Variants in CEP128 observed in about 807,000 individuals in gnomAD.
CEP128 encodes centrosomal protein 128.
Under a neutral mutation model 156.7 loss-of-function variants are expected in CEP128, and 132 were observed. The ratio of observed to expected loss-of-function variants is 0.84; its 90% CI spans 0.73 to 0.97. The LOEUF is 0.97. CEP128 is among the 50% of genes least tolerant of loss of function. The probability of loss-of-function intolerance (pLI) is 0.00; values close to 1 mark genes in which losing one functional copy is unlikely to be tolerated. For missense variants in CEP128, 1,252 were observed against 1,281.9 expected (o/e 0.98, Z 0.36); for synonymous variants, 469 against 448.9 (o/e 1.04, Z -0.57).
At chr14:80,884,614 G>A (rs558293406) in intron 8 of CEP128, among the ~76,000 whole-genome samples, 1 of 152,164 alleles carries the variant, frequency 6.6e-6, no homozygotes, top group Non-Finnish European at 1.5e-5. Context: ...GTGAGGGACT[G>A]TGCTATCCGG....
chr14:80,809,100 C>A lies in CEP128; in HGVS notation c.1210-15990G>T, dbSNP rs191641487. The stretch of plus-strand genomic sequence containing the variant: ...AGCTCAGTGAAAGACAAAAAAATTA[C>A]AAACAAATAATAGAAGGAAGTCAGA... On this transcript the variant is annotated intron_variant, in intron 13 of 24. Coordinates refer to ENST00000555265, the MANE Select transcript of CEP128 (RefSeq NM_152446.5). Among the ~76,000 whole-genome samples the A allele has an allele frequency of 8.2e-3, 1,241 of 151,944 alleles. 11 individuals are homozygous for A. The highest frequency in any genetic ancestry group is 0.01 in the Non-Finnish European group (688 of 67,940).
At chr14:80,629,778 A>G (rs995279090) in intron 19 of CEP128, among the ~76,000 whole-genome samples, 1 of 151,940 alleles carries the variant, frequency 6.6e-6, no homozygotes, top group Non-Finnish European at 1.5e-5. Context: ...GACTTACTCA[A>G]TCTGATTTTC....
chr14:80,916,751 T>C (rs1379116467), intron 2 of CEP128, among the ~76,000 whole-genome samples, 189 bp from the exon 3 acceptor site: 1 of 152,190 alleles, frequency 6.6e-6, no homozygotes, highest in Non-Finnish European at 1.5e-5. Flanking sequence ...CCTCCTCCAT[T>C]GTCTCTGCTT....
intron 13 of CEP128, among the ~76,000 whole-genome samples, chr14:80,808,230 AC>A (rs1884297284): frequency 6.6e-6 from 1 of 152,200 alleles, no homozygotes; most frequent in Admixed American, 6.5e-5. Context: ...CACAGCCAAT[AC>A]AGTAGCCAGA....
chr14:80,870,838 C>T (rs187247239), intron 8 of CEP128, among the ~76,000 whole-genome samples: 37 of 151,336 alleles, frequency 2.4e-4, no homozygotes, highest in African/African-American at 7.5e-4. Flanking sequence ...ATCTTATATA[C>T]AGAAAGCCCT....
chr14:80,946,150 T>C (rs35847336), upstream of CEP128, among the ~76,000 whole-genome samples: 22,080 of 152,158 alleles, frequency 0.15, 2,204 homozygotes, highest in East Asian at 0.47. Flanking sequence ...TGTAAAGCAC[T>C]AAGCCTAGTG....
At chr14:80,653,194 T>A (rs1418457285) in intron 19 of CEP128, among the ~76,000 whole-genome samples, 1 of 151,290 alleles carries the variant, frequency 6.6e-6, no homozygotes, top group Non-Finnish European at 1.5e-5. Context: ...GGGAGGTGGG[T>A]GGTAAGGGAG....
At chr14:80,739,686 G>C (rs1213398738) in intron 19 of CEP128, among the ~76,000 whole-genome samples, 1 of 151,858 alleles carries the variant, frequency 6.6e-6, no homozygotes. Flanking sequence ...CGTTACACTA[G>C]AGAGTTAAAT....
intron 19 of CEP128, among the ~76,000 whole-genome samples, chr14:80,730,186 T>C (rs559815047): frequency 6.6e-6 from 1 of 152,322 alleles, no homozygotes; most frequent in East Asian, 1.9e-4. Context: ...TGGCATTTCA[T>C]TGCAACGAAA....
intron 12 of CEP128, 77 bp from the exon 13 acceptor site, chr14:80,831,371 T>C: frequency 7.1e-7 from 1 of 1,408,450 alleles, no homozygotes; most frequent in Non-Finnish European, 9.8e-7. Flanking sequence ...TACTGAGCCC[T>C]GATGTTTCAA....
At chr14:80,719,277 T>C (rs1342685241) in intron 19 of CEP128, among the ~76,000 whole-genome samples, 1 of 152,224 alleles carries the variant, frequency 6.6e-6, no homozygotes, top group African/African-American at 2.4e-5. Flanking sequence ...ATAAATACAG[T>C]TGTCAAGAGC....
Position 80,707,304 on chromosome 14 carries a change from G to A in CEP128, c.2806+35771C>T, listed in dbSNP as rs1400089720. On this transcript the variant is annotated intron_variant, in intron 19 of 24. Coordinates refer to ENST00000555265, the MANE Select transcript of CEP128 (RefSeq NM_152446.5). Reference sequence around the variant, plus strand: ...TTCTAATGACAGTTAAATTTTCAGAGACCTTGTAGTGTTGTTTTGTTCAGC... The same window carrying A: ...TTCTAATGACAGTTAAATTTTCAGAAACCTTGTAGTGTTGTTTTGTTCAGC... Among the ~76,000 whole-genome samples, 10 of 152,216 alleles carry A rather than the reference G, an allele frequency of 6.6e-5. No individual in the cohort carries two copies. In the East Asian group the frequency reaches 1.9e-3, roughly 29 times the overall value.
intron 19 of CEP128, among the ~76,000 whole-genome samples, chr14:80,698,451 C>T (rs527828468): frequency 1.3e-5 from 2 of 152,128 alleles, no homozygotes; most frequent in African/African-American, 4.8e-5. Flanking sequence ...TCATAATAAC[C>T]CTCAGAGGTA....
intron 16 of CEP128, among the ~76,000 whole-genome samples, chr14:80,766,488 GATCTT>G (rs1334806898): frequency 6.6e-6 from 1 of 152,134 alleles, no homozygotes. Flanking sequence ...TAAGGAGATA[GATCTT>G]ATCAGAAATA....
intron 19 of CEP128, among the ~76,000 whole-genome samples, chr14:80,647,981 T>A (rs1482635679): frequency 6.6e-6 from 1 of 152,092 alleles, no homozygotes; most frequent in Non-Finnish European, 1.5e-5. Flanking sequence ...CAAACTTAAT[T>A]CCAAGGTTCT....
At chr14:80,540,813 G>A (rs1450330721) in intron 21 of CEP128, among the ~76,000 whole-genome samples, 1 of 152,056 alleles carries the variant, frequency 6.6e-6, no homozygotes, top group East Asian at 1.9e-4. Flanking sequence ...CCACCTCAGG[G>A]TGTCCTTTGC....
chr14:80,919,541 A>C (rs1463312224), intron 2 of CEP128, among the ~76,000 whole-genome samples: 3 of 152,262 alleles, frequency 2.0e-5, no homozygotes, highest in African/African-American at 7.2e-5. Context: ...GATTTCATGT[A>C]TAACTCTCCA....
At chr14:80,728,740 G>A (rs1898114684) in intron 19 of CEP128, among the ~76,000 whole-genome samples, 1 of 151,980 alleles carries the variant, frequency 6.6e-6, no homozygotes, top group African/African-American at 2.4e-5. Flanking sequence ...TCTCTGTCTG[G>A]ATTAAGAGAA....
chr14:80,690,922 A>G (rs1039867739), intron 19 of CEP128, among the ~76,000 whole-genome samples: 28 of 152,214 alleles, frequency 1.8e-4, no homozygotes, highest in Admixed American at 6.5e-5. Flanking sequence ...CACATAAGTT[A>G]AAAACACATC....
Sources: allele counts gnomAD v4.1 joint callset (sites outside exome capture counted in the v4.1 genomes callset), GRCh38; gene constraint gnomAD v4.1.1; transcripts MANE v1.5; gene names NCBI Gene and HGNC (gene_info 2026-07-23, HGNC 2026-07-21).